DCHS2: variants seen among roughly 807,000 people sequenced by gnomAD.
DCHS2 encodes protocadherin-23.
In DCHS2, 142 loss-of-function variants were observed where a neutral mutation model predicts 182.4. That is an observed-to-expected ratio of 0.78 (90% CI 0.68 to 0.89). The LOEUF (loss-of-function observed/expected upper bound fraction) is 0.89, where lower values mean the gene tolerates loss of function less well. Ranked by LOEUF, DCHS2 falls within the 40% of genes least tolerant of loss-of-function variation. The probability of loss-of-function intolerance (pLI) is 0.00; values close to 1 mark genes in which losing one functional copy is unlikely to be tolerated. For synonymous variants in DCHS2, 1,740 were observed against 1,663.3 expected (o/e 1.05, Z -1.12); for missense variants, 4,319 against 4,198.6 (o/e 1.03, Z -0.79).
intron 1 of DCHS2, among the ~76,000 whole-genome samples, chr4:154,466,204 C>T (rs1471555816): frequency 6.6e-6 from 1 of 152,066 alleles, no homozygotes; most frequent in Non-Finnish European, 1.5e-5. Context: ...ACAAGCAAGA[C>T]AAAATTGTGA....
intron 1 of DCHS2, among the ~76,000 whole-genome samples, chr4:154,406,572 T>A (rs1419725178): frequency 2.6e-5 from 4 of 152,238 alleles, no homozygotes. Context: ...CTTATTGTTT[T>A]TCTTGTGAAA....
chr4:154,490,286 G>T lies in DCHS2; in HGVS notation c.1070C>A (p.Ala357Glu), dbSNP rs1242256640. 2.6e-6 allele frequency: 4 copies of T among 1,547,932 alleles called. No individual in the cohort carries two copies. In the African/African-American group the frequency reaches 4.1e-5, roughly 16 times the overall value. The change falls in exon 1 of 20, where the codon GCG (alanine) becomes GAG (glutamate). Residue 357 changes from alanine to glutamate, a missense_variant. Ala to Glu is a moderately radical substitution (Grantham distance 107). Transcript: ENST00000357232. ...GGALGDAAYFAVEELSGVVRV... is the reference protein window; with the variant it reads ...GGALGDAAYFEVEELSGVVRV... ...CACCACGCCGCTCAGCTCCTCCACC[G>T]CGAAGTAGGCCGCGTCGCCCAGTGC...
chr4:154,484,671 C>T (rs962566112), intron 1 of DCHS2, among the ~76,000 whole-genome samples: 47 of 152,214 alleles, frequency 3.1e-4, no homozygotes, highest in African/African-American at 1.0e-3. Flanking sequence ...AAAATGATTT[C>T]GCATAATTTC....
chr4:154,384,181 T>G (rs1227409668), intron 1 of DCHS2, among the ~76,000 whole-genome samples: 1 of 152,216 alleles, frequency 6.6e-6, no homozygotes, highest in Non-Finnish European at 1.5e-5. Flanking sequence ...AATGCAAGTA[T>G]GCCACTCTCT....
At chr4:154,406,499 T>C (rs766245090) in intron 1 of DCHS2, among the ~76,000 whole-genome samples, 1 of 152,236 alleles carries the variant, frequency 6.6e-6, no homozygotes, top group Non-Finnish European at 1.5e-5. Context: ...TAGTTGTTTA[T>C]GGTGGGAGGA....
intron 1 of DCHS2, among the ~76,000 whole-genome samples, chr4:154,414,851 G>C (rs1353363405): frequency 1.3e-5 from 2 of 152,204 alleles, no homozygotes; most frequent in African/African-American, 2.4e-5. Context: ...AAAATCAAGA[G>C]TGGACAGAGA....
At chr4:154,429,978 T>C (rs1439132268) in intron 1 of DCHS2, among the ~76,000 whole-genome samples, 1 of 152,092 alleles carries the variant, frequency 6.6e-6, no homozygotes, top group Non-Finnish European at 1.5e-5. Flanking sequence ...AATGAGATAA[T>C]ATAAAGGGCT....
At chr4:154,418,230 C>A (rs1233958875) in intron 1 of DCHS2, among the ~76,000 whole-genome samples, 1 of 152,186 alleles carries the variant, frequency 6.6e-6, no homozygotes, top group Non-Finnish European at 1.5e-5. Context: ...GTATTTCTTT[C>A]ATATTACATA....
At chr4:154,333,882 T>C (rs1728639269) in intron 4 of DCHS2, 1 of 195,202 alleles carries the variant, frequency 5.1e-6, no homozygotes, top group South Asian at 1.2e-4. Flanking sequence ...CTCAAAACAT[T>C]TCCCATCGTT....
chr4:154,489,849 C>G lies in DCHS2; in HGVS notation c.1507G>C (p.Asp503His). ...VEGPLDRESR[D>H]LYELLLVATD... is the part of the protein sequence containing the mutation. The stretch of plus-strand genomic sequence containing the variant: ...GCCACCAGTAGTAACTCATACAGAT[C>G]GCGGCTCTCTCTGTCCAGGGGCCCC... Residue 503 changes from aspartate to histidine, a missense_variant, in exon 1 of 20, where the codon GAT becomes CAT. Physicochemically the swap from Asp to His is moderately conservative, Grantham distance 81. Transcript: ENST00000357232. 6.5e-7 allele frequency: 1 copy of G among 1,548,772 alleles called. No individual in the cohort carries two copies. The highest frequency in any genetic ancestry group is 8.7e-7 in the Non-Finnish European group (1 of 1,144,956).
Position 154,236,775 on chromosome 4 carries a change from T to C in DCHS2, c.7877A>G (p.Glu2626Gly), listed in dbSNP as rs750015090. The C allele has an allele frequency of 7.4e-6, 12 of 1,613,992 alleles. No individual in the cohort carries two copies. The Admixed American group carries it at 1.2e-4, about 16-fold the overall frequency. Residue 2626 changes from glutamate to glycine, a missense_variant, in exon 20 of 20, where the codon GAA becomes GGA. By Grantham distance (98) the Glu-to-Gly change is moderately conservative (BLOSUM62 -2). Coordinates refer to ENST00000357232, the MANE Select transcript of DCHS2 (RefSeq NM_001358235.2). Reference protein sequence around the residue: ...YLVLLHSLDREASASHELVIL... With the variant: ...YLVLLHSLDRGASASHELVIL... ...GACAAGCTCATGGCTAGCACTTGCT[T>C]CTCTGTCCAGACTGTGAAGCAACAC...
At chr4:154,254,639 C>A (rs1168611175) in intron 16 of DCHS2, among the ~76,000 whole-genome samples, 1 of 152,158 alleles carries the variant, frequency 6.6e-6, no homozygotes, top group Non-Finnish European at 1.5e-5. Flanking sequence ...GAGATTGAGA[C>A]CAGCCTGGCC....
chr4:154,455,758 C>T (rs1734737655), intron 1 of DCHS2, among the ~76,000 whole-genome samples: 1 of 152,112 alleles, frequency 6.6e-6, no homozygotes, highest in Non-Finnish European at 1.5e-5. Flanking sequence ...TTCTTGGCCA[C>T]AAAAGATTAC....
At chr4:154,393,434 T>A (rs1731794323) in intron 1 of DCHS2, among the ~76,000 whole-genome samples, 1 of 152,168 alleles carries the variant, frequency 6.6e-6, no homozygotes, top group Non-Finnish European at 1.5e-5. Context: ...AAAGACAGTA[T>A]GGAGATATAA....
chr4:154,411,075 A>G (rs1732611244), intron 1 of DCHS2, among the ~76,000 whole-genome samples: 2 of 152,238 alleles, frequency 1.3e-5, no homozygotes, highest in Admixed American at 6.5e-5. Context: ...GCCATTTGCT[A>G]TAAATGCCAT....
chr4:154,295,160 G>A (rs777159506), intron 13 of DCHS2, among the ~76,000 whole-genome samples: 3 of 152,238 alleles, frequency 2.0e-5, no homozygotes, highest in Non-Finnish European at 4.4e-5. Context: ...CTGTATGGCT[G>A]AGGGCCAGAT....
chr4:154,396,360 CCAGAAAAGAGAGGCCTT>C (rs1442567262), intron 1 of DCHS2, among the ~76,000 whole-genome samples: 1 of 151,860 alleles, frequency 6.6e-6, no homozygotes, highest in Admixed American at 6.6e-5. Context: ...CAGGTTCTGC[CCAGAAAAGAGAGGCCTT>C]CAGTTGACCA....
intron 1 of DCHS2, among the ~76,000 whole-genome samples, chr4:154,382,615 C>A (rs545265150): frequency 6.6e-6 from 1 of 152,146 alleles, no homozygotes; most frequent in Middle Eastern, 3.4e-3. Context: ...GGTCTAATAT[C>A]CAGAGTCTAT....
chr4:154,334,592 A>G, intron 4 of DCHS2: 1 of 309,822 alleles, frequency 3.2e-6, no homozygotes, highest in Non-Finnish European at 6.0e-6. Context: ...TGTTTTTGTG[A>G]GTGGGTTATA....
Sources: gnomAD v4.1 joint callset for allele counts (sites outside exome capture counted in the v4.1 genomes callset) on GRCh38, gnomAD v4.1.1 for gene constraint, MANE v1.5 for transcripts, NCBI Gene and HGNC (gene_info 2026-07-23, HGNC 2026-07-21) for gene names.